The following POU6F2 variants were observed in gnomAD, a reference collection of about 807,000 sequenced individuals.
POU6F2 encodes the protein POU domain, class 6, transcription factor 2.
In POU6F2, 31 loss-of-function variants were observed where a neutral mutation model predicts 71.3. The ratio of observed to expected loss-of-function variants is 0.43; its 90% confidence interval spans 0.33 to 0.59. POU6F2 has a LOEUF of 0.59. Among genes scored for constraint, POU6F2 ranks in the 20% least tolerant of loss-of-function variants. The probability of loss-of-function intolerance (pLI) is 0.04; values close to 1 mark genes in which losing one functional copy is unlikely to be tolerated. For missense variants in POU6F2, 783 were observed against 856.8 expected, an observed-to-expected ratio of 0.91 and a Z score of 1.07; for synonymous variants, 347 against 355.7, an observed-to-expected ratio of 0.98 and a Z score of 0.27.
At chr7:39,270,498 C>A (rs2128756644) in intron 4 of POU6F2, among the ~76,000 whole-genome samples, 1 of 152,252 alleles carries the variant, frequency 6.6e-6, no homozygotes, top group Non-Finnish European at 1.5e-5. Flanking sequence ...TAGTAAATGG[C>A]AGTTGTTATT....
chr7:39,391,145 A>G (rs1192783047), intron 5 of POU6F2, among the ~76,000 whole-genome samples: 1 of 152,224 alleles, frequency 6.6e-6, no homozygotes, highest in East Asian at 1.9e-4. Flanking sequence ...TAAATTCTTG[A>G]AAAATCACAT....
intron 1 of POU6F2, among the ~76,000 whole-genome samples, chr7:39,019,879 C>T (rs368530417): frequency 4.6e-5 from 7 of 152,080 alleles, no homozygotes; most frequent in African/African-American, 1.7e-4. Context: ...TTTCTGTTTT[C>T]TCCAGCATCA....
chr7:39,364,600 T>C (rs1036416014), intron 5 of POU6F2, among the ~76,000 whole-genome samples: 1 of 152,226 alleles, frequency 6.6e-6, no homozygotes, highest in Non-Finnish European at 1.5e-5. Context: ...ATTAATTCTT[T>C]CCTTTTTATG....
intron 2 of POU6F2, among the ~76,000 whole-genome samples, chr7:39,136,767 G>A (rs965660672): frequency 6.6e-6 from 1 of 151,852 alleles, no homozygotes; most frequent in African/African-American, 2.4e-5. Flanking sequence ...GCTGAGACGG[G>A]AGGATCACTC....
At chr7:39,015,786 ATAT>A (rs1442780993) in intron 1 of POU6F2, among the ~76,000 whole-genome samples, 1 of 94,746 alleles carries the variant, frequency 1.1e-5, no homozygotes, top group Admixed American at 1.7e-4. Flanking sequence ...TATATATGGT[ATAT>A]TATATATAGA....
chr7:39,396,374 C>T (rs547173066), intron 5 of POU6F2, among the ~76,000 whole-genome samples: 3 of 152,140 alleles, frequency 2.0e-5, no homozygotes, highest in Non-Finnish European at 4.4e-5. Context: ...GTGTGTCAGC[C>T]AGACTCATTT....
intron 7 of POU6F2, among the ~76,000 whole-genome samples, chr7:39,435,379 G>A (rs1488849109): frequency 1.3e-5 from 2 of 152,138 alleles, no homozygotes; most frequent in Non-Finnish European, 2.9e-5. Context: ...TTTCTCTGAT[G>A]ATCTGTGATG....
chr7:39,091,745 GC>G (rs1791366357), intron 2 of POU6F2, among the ~76,000 whole-genome samples: 1 of 152,148 alleles, frequency 6.6e-6, no homozygotes, highest in Non-Finnish European at 1.5e-5. Context: ...TTAATTACCT[GC>G]TTTAATTATA....
intron 2 of POU6F2, among the ~76,000 whole-genome samples, chr7:39,147,291 T>C (rs1182633683): frequency 6.6e-6 from 1 of 152,208 alleles, no homozygotes; most frequent in Admixed American, 6.5e-5. Context: ...ATGGACATTT[T>C]CTGTCTGATA....
chr7:39,102,656 G>T (rs542738911), intron 2 of POU6F2, among the ~76,000 whole-genome samples: 2 of 152,058 alleles, frequency 1.3e-5, no homozygotes, highest in Non-Finnish European at 2.9e-5. Flanking sequence ...ATGTATGCAT[G>T]TGCATATATA....
rs999551323 is a variant in POU6F2, at chr7:39,406,515, C to T, written c.973-85C>T. 17 of 1,494,768 alleles carry T rather than the reference C, an allele frequency of 1.1e-5. No individual in the cohort carries two copies. In the East Asian group the frequency reaches 3.4e-4, roughly 30 times the overall value. The allele number at this position is 1,494,768 out of a possible 1,614,324, so 92.6% of individuals were successfully genotyped here. On this transcript the variant is annotated intron_variant, in intron 5 of 9. Coordinates refer to ENST00000518318, the MANE Select transcript of POU6F2 (RefSeq NM_001370959.1). ...TTGCATGAGCGAATTGAGGCGAGAA[C>T]TACCTCCCCAGAGTCAATGTTGTGT...
chr7:39,182,804 C>G (rs1793460988), intron 2 of POU6F2, among the ~76,000 whole-genome samples: 1 of 152,220 alleles, frequency 6.6e-6, no homozygotes, highest in East Asian at 1.9e-4. Flanking sequence ...GTTGATTGTC[C>G]CTGAGTCTGT....
intron 4 of POU6F2, among the ~76,000 whole-genome samples, chr7:39,312,092 TCA>T (rs1192849137): frequency 6.6e-6 from 1 of 151,502 alleles, no homozygotes; most frequent in East Asian, 1.9e-4. Flanking sequence ...TTAAAGCAAC[TCA>T]CAGAAGAAAA....
intron 2 of POU6F2, among the ~76,000 whole-genome samples, chr7:39,152,201 A>G (rs1792775051): frequency 6.6e-6 from 1 of 152,144 alleles, no homozygotes; most frequent in Admixed American, 6.5e-5. Context: ...AAACTCCTCA[A>G]TAGTCAGTAC....
intron 1 of POU6F2, among the ~76,000 whole-genome samples, chr7:39,042,021 G>A (rs906651717): frequency 6.6e-6 from 1 of 152,088 alleles, no homozygotes; most frequent in South Asian, 2.1e-4. Flanking sequence ...CTATGACACA[G>A]CCTCTTGTCT....
intron 4 of POU6F2, among the ~76,000 whole-genome samples, chr7:39,260,208 A>G (rs1784106049): frequency 6.7e-6 from 1 of 149,530 alleles, no homozygotes; most frequent in Admixed American, 6.6e-5. Flanking sequence ...AATACCACAC[A>G]CACCACACAC....
chr7:39,054,177 A>G (rs1225981394), intron 1 of POU6F2, among the ~76,000 whole-genome samples: 1 of 152,200 alleles, frequency 6.6e-6, no homozygotes, highest in Admixed American at 6.6e-5. Context: ...ATTTTTTAGT[A>G]TCAAAACTAC....
At chr7:39,316,880 T>C (rs1251432946) in intron 4 of POU6F2, among the ~76,000 whole-genome samples, 1 of 152,202 alleles carries the variant, frequency 6.6e-6, no homozygotes, top group Non-Finnish European at 1.5e-5. Flanking sequence ...AATAAACTCA[T>C]GTGGAGGTGA....
At chr7:39,456,936 T>C (rs1259730127) in intron 8 of POU6F2, among the ~76,000 whole-genome samples, 1 of 152,216 alleles carries the variant, frequency 6.6e-6, no homozygotes, top group Non-Finnish European at 1.5e-5. Context: ...TGGAAGATAC[T>C]GGGCTCAGTA....
Sources: gnomAD v4.1 joint callset for allele counts (sites outside exome capture counted in the v4.1 genomes callset) on GRCh38, gnomAD v4.1.1 for gene constraint, MANE v1.5 for transcripts, NCBI Gene and HGNC (gene_info 2026-07-23, HGNC 2026-07-21) for gene names.